The following FYB2 variants were observed in gnomAD, a reference collection of about 807,000 sequenced individuals.
The protein encoded by FYB2 is FYN-binding protein 2.
FYB2 carries 103 observed loss-of-function variants against 94.1 expected under a neutral mutation model. The ratio of observed to expected loss-of-function variants is 1.09; its 90% CI spans 0.93 to 1.29. The LOEUF is 1.29. Ranked by LOEUF, FYB2 falls within the 50% of genes most tolerant of loss-of-function variation. The pLI is 0.00. For synonymous variants in FYB2, 293 were observed against 287.9 expected (o/e 1.02, Z -0.18); for missense variants, 896 against 841.5 (o/e 1.06, Z -0.80).
At chr1:56,756,433 A>T (rs1174629776) in intron 6 of FYB2, among the ~76,000 whole-genome samples, 6 of 152,206 alleles carry the variant, frequency 3.9e-5, no homozygotes, top group Middle Eastern at 3.4e-3. Flanking sequence ...CCCCTCATTT[A>T]TTCAGTGATT....
chr1:56,757,687 C>CTTTCT (rs1645372059), intron 6 of FYB2, among the ~76,000 whole-genome samples: 31 of 71,954 alleles, frequency 4.3e-4, no homozygotes, highest in African/African-American at 1.9e-3. Flanking sequence ...TCCTTCCTTC[C>CTTTCT]TTCTTTCTTT....
intron 19 of FYB2, 47 bp downstream of exon 19, chr1:56,719,975 A>C (rs1174126555): frequency 6.6e-7 from 1 of 1,514,634 alleles, no homozygotes. Flanking sequence ...TGTATACAAC[A>C]ATGTATTAGG....
chr1:56,765,625 C>G (rs1645604238), intron 5 of FYB2, among the ~76,000 whole-genome samples: 1 of 152,168 alleles, frequency 6.6e-6, no homozygotes, highest in Non-Finnish European at 1.5e-5. Context: ...GGTCGTTTGG[C>G]TAGAAAGAGC....
intron 4 of FYB2, among the ~76,000 whole-genome samples, chr1:56,768,263 G>C (rs1416964185): frequency 6.6e-6 from 1 of 152,224 alleles, no homozygotes; most frequent in Non-Finnish European, 1.5e-5. Flanking sequence ...ATTGAGACCA[G>C]ATAAAGAGAA....
intron 4 of FYB2, among the ~76,000 whole-genome samples, chr1:56,775,881 CTCAT>C (rs1308258790): frequency 6.6e-6 from 1 of 152,186 alleles, no homozygotes; most frequent in Non-Finnish European, 1.5e-5. Flanking sequence ...TCTCAGATTT[CTCAT>C]TCATTAAGTT....
At chr1:56,791,213 T>TCA (rs1646256050) in intron 2 of FYB2, among the ~76,000 whole-genome samples, 1 of 152,108 alleles carries the variant, frequency 6.6e-6, no homozygotes, top group South Asian at 2.1e-4. Flanking sequence ...TCTGGCGTTT[T>TCA]TCTTCTAGGT....
At chr1:56,808,845 C>G (rs547245443) in intron 1 of FYB2, among the ~76,000 whole-genome samples, 11 of 152,282 alleles carry the variant, frequency 7.2e-5, no homozygotes, top group African/African-American at 2.2e-4. Context: ...CACTAATGAT[C>G]CTTGCATGGA....
chr1:56,719,634 T>A lies in FYB2; in HGVS notation c.*37A>T. ...AGGACTAGGATCTTAGGACTAGTTCTCCTTTGTGCAGTCCATAGCATTTGA... is the reference window on the plus strand; with the variant it reads ...AGGACTAGGATCTTAGGACTAGTTCACCTTTGTGCAGTCCATAGCATTTGA... On this transcript the variant is annotated 3_prime_UTR_variant, in exon 20 of 20. Transcript: ENST00000343433. The A allele has an allele frequency of 6.4e-7, 1 of 1,557,904 alleles. No individual in the cohort carries two copies. The highest frequency in any genetic ancestry group is 8.7e-7 in the Non-Finnish European group (1 of 1,143,408).
intron 6 of FYB2, among the ~76,000 whole-genome samples, chr1:56,758,396 G>A (rs1203915790): frequency 6.6e-6 from 1 of 152,096 alleles, no homozygotes; most frequent in Non-Finnish European, 1.5e-5. Context: ...CTGAAAGCCA[G>A]GATATACAAA....
chr1:56,741,009 T>C (rs747536837), intron 12 of FYB2, among the ~76,000 whole-genome samples: 4 of 152,042 alleles, frequency 2.6e-5, no homozygotes, highest in African/African-American at 7.2e-5. Context: ...AAGTTCCCTA[T>C]TGGGTAAATG....
chr1:56,797,202 A>G (rs930774641), intron 1 of FYB2, among the ~76,000 whole-genome samples: 1 of 152,120 alleles, frequency 6.6e-6, no homozygotes, highest in Non-Finnish European at 1.5e-5. Context: ...CATGATGTAT[A>G]TGAGAAGCAG....
intron 1 of FYB2, among the ~76,000 whole-genome samples, chr1:56,804,528 C>T (rs759700776): frequency 1.3e-5 from 2 of 152,088 alleles, no homozygotes; most frequent in African/African-American, 2.4e-5. Context: ...AGTTCAAGAC[C>T]AGCCTGGCCA....
chr1:56,791,364 T>C (rs1389413025), intron 2 of FYB2, among the ~76,000 whole-genome samples: 8 of 152,088 alleles, frequency 5.3e-5, no homozygotes. Context: ...CAAGCAATTC[T>C]TGTGTCTCAG....
intron 1 of FYB2, among the ~76,000 whole-genome samples, chr1:56,798,475 T>G (rs976568415): frequency 6.6e-6 from 1 of 152,096 alleles, no homozygotes; most frequent in Admixed American, 6.6e-5. Flanking sequence ...ACAAAGACAT[T>G]GCTATTTCAG....
rs551684141 is a variant in FYB2, at chr1:56,757,570, A to C, written c.1098+1146T>G. ...ATCTGCTACTGCAGATACAGTAACC[A>C]CAAGACATATGCTTCCTGTCCTCAT... On this transcript the variant is annotated intron_variant, in intron 6 of 19. Transcript: ENST00000343433. Among the ~76,000 whole-genome samples, 7 of 152,134 alleles carry C rather than the reference A, an allele frequency of 4.6e-5. No homozygotes were observed. In the South Asian group the frequency reaches 1.5e-3, roughly 32 times the overall value.
intron 5 of FYB2, among the ~76,000 whole-genome samples, chr1:56,767,203 C>T (rs1645644445): frequency 6.6e-6 from 1 of 152,186 alleles, no homozygotes. Flanking sequence ...CTGGCTGATA[C>T]TATAGGCAGA....
chr1:56,731,802 T>C (rs1040135209), intron 15 of FYB2: 1 of 152,138 alleles, frequency 6.6e-6, no homozygotes, highest in Non-Finnish European at 1.5e-5. Context: ...CATCCTTTCA[T>C]AATAAAAGCT....
In FYB2 at chr1:56,792,586, G is replaced by T. The variant is rs145422125; in HGVS notation, c.227C>A (p.Pro76His). The change falls in exon 2 of 20, where the codon CCT becomes CAT. Residue 76 changes from proline to histidine, a missense_variant. Pro to His is a moderately conservative substitution (Grantham distance 77). Coordinates refer to ENST00000343433, the MANE Select transcript of FYB2 (RefSeq NM_001004303.5). ...CSSSESQPLQ[P>H]QKIKLAQKSE... ...CTTCTGAGCCAACTTTATTTTCTGA[G>T]GTTGAAGAGGCTGGGACTCACTACT... The T allele has an allele frequency of 6.2e-7, 1 of 1,614,102 alleles. No individual in the cohort carries two copies. The highest frequency in any genetic ancestry group is 1.1e-5 in the South Asian group (1 of 91,076).
At chr1:56,742,582 G>A (rs1644980116) in intron 11 of FYB2, among the ~76,000 whole-genome samples, 2 of 152,118 alleles carry the variant, frequency 1.3e-5, no homozygotes, top group African/African-American at 2.4e-5. Flanking sequence ...CTGAATGCTG[G>A]GGCAACCATG....
Sources: allele counts gnomAD v4.1 joint callset (sites outside exome capture counted in the v4.1 genomes callset), GRCh38; gene constraint gnomAD v4.1.1; transcripts MANE v1.5; gene names NCBI Gene and HGNC (gene_info 2026-07-23, HGNC 2026-07-21).